The following TMCO4 variants were observed in gnomAD, a reference collection of about 807,000 sequenced individuals.
TMCO4 encodes the protein transmembrane and coiled-coil domains 4.
In TMCO4, 58 loss-of-function variants were observed where a neutral mutation model predicts 64.7. The observed-to-expected ratio is 0.90, with a 90% CI of 0.73 to 1.12. TMCO4 has a LOEUF of 1.12. TMCO4 is among the 50% of genes most tolerant of loss of function. The pLI, the probability that TMCO4 is intolerant of heterozygous loss-of-function variation, is 0.00. For missense variants in TMCO4, 780 were observed against 825.9 expected (o/e 0.94, Z 0.68); for synonymous variants, 325 against 346.1 (o/e 0.94, Z 0.68).
At chr1:19,757,160 G>A (rs532395185) in intron 6 of TMCO4, among the ~76,000 whole-genome samples, 3 of 78,034 alleles carry the variant, frequency 3.8e-5, no homozygotes, top group Admixed American at 1.1e-4. Context: ...GCGTGGTGGC[G>A]GGGGGGGGCG....
intron 13 of TMCO4, among the ~76,000 whole-genome samples, chr1:19,718,555 C>T (rs1319823899): frequency 7.0e-6 from 1 of 143,398 alleles, no homozygotes; most frequent in Non-Finnish European, 1.5e-5. Flanking sequence ...TGGGAGGCTG[C>T]AGTGGGAGGC....
chr1:19,697,622 A>G (rs2095245333), intron 14 of TMCO4, among the ~76,000 whole-genome samples: 1 of 145,440 alleles, frequency 6.9e-6, no homozygotes, highest in Non-Finnish European at 1.5e-5. Flanking sequence ...TTTTTGAGAC[A>G]TAGTCTCGCT....
chr1:19,698,401 T>G (rs1557467625), intron 14 of TMCO4, among the ~76,000 whole-genome samples: 1 of 152,210 alleles, frequency 6.6e-6, no homozygotes, highest in Non-Finnish European at 1.5e-5. Context: ...TTGCCCCTTT[T>G]TGAGTTTCAC....
Position 19,739,917 on chromosome 1 carries a change from G to A in TMCO4, c.1086C>T (p.Val362=), listed in dbSNP as rs984192258. ...ALTWPASLLS[V]ANVIDNPWGV... is the part of the protein sequence containing the mutation. ...CCCAGGGGTTGTCGATGACATTGGC[G>A]ACACTGAGGAGTGAGGCTGGCCAGG... The change falls in exon 12 of 16, where the codon GTC becomes GTT. Residue 362 remains valine (V), a synonymous_variant. Coordinates refer to ENST00000294543, the MANE Select transcript of TMCO4 (RefSeq NM_181719.7). 8.7e-6 allele frequency: 14 copies of A among 1,613,822 alleles called. No homozygotes were observed. The East Asian group carries it at 1.1e-4, about 13-fold the overall frequency.
chr1:19,776,323 C>T (rs1288256688), intron 4 of TMCO4, among the ~76,000 whole-genome samples: 1 of 152,188 alleles, frequency 6.6e-6, no homozygotes, highest in Non-Finnish European at 1.5e-5. Context: ...ACGGCAAATG[C>T]TTATGGCCAG....
At chr1:19,700,914 A>G (rs375412060) in intron 13 of TMCO4, 29 bp from the exon 14 acceptor site, 1 of 1,600,004 alleles carries the variant, frequency 6.2e-7, no homozygotes, top group African/African-American at 1.3e-5. Context: ...AAAGGCCGTC[A>G]GTGTCCCTGG....
chr1:19,730,849 G>T (rs1381715608), intron 13 of TMCO4, among the ~76,000 whole-genome samples: 1 of 152,196 alleles, frequency 6.6e-6, no homozygotes, highest in Non-Finnish European at 1.5e-5. Context: ...GCTCTATTTT[G>T]TTACTAGCTC....
At chr1:19,795,000 CA>C (rs1264438620) in intron 2 of TMCO4, among the ~76,000 whole-genome samples, 5 of 151,888 alleles carry the variant, frequency 3.3e-5, no homozygotes, top group African/African-American at 4.8e-5. Flanking sequence ...GGAGGAGGAA[CA>C]GGGGAGGGAA....
chr1:19,708,945 G>C (rs910552264), intron 13 of TMCO4, among the ~76,000 whole-genome samples: 6 of 152,146 alleles, frequency 3.9e-5, no homozygotes, highest in Non-Finnish European at 7.3e-5. Context: ...TCCTGACTGC[G>C]GGTCCAGTAA....
chr1:19,771,510 C>T (rs746459764), intron 4 of TMCO4, 28 bp from the exon 5 acceptor site: 1 of 1,607,280 alleles, frequency 6.2e-7, no homozygotes, highest in South Asian at 1.1e-5. Context: ...CTTAGTTCTC[C>T]AGGATCCTCA....
chr1:19,773,056 G>A (rs141568893), intron 4 of TMCO4, among the ~76,000 whole-genome samples: 65 of 152,226 alleles, frequency 4.3e-4, no homozygotes, highest in African/African-American at 1.5e-3. Flanking sequence ...TGGGCGTGGT[G>A]GCATGTACCT....
chr1:19,764,671 G>T (rs1479335000), intron 6 of TMCO4, among the ~76,000 whole-genome samples: 1 of 152,074 alleles, frequency 6.6e-6, no homozygotes, highest in Non-Finnish European at 1.5e-5. Context: ...TGACCAACAT[G>T]GAGAAACCCT....
Position 19,732,779 on chromosome 1 carries a change from A to G in TMCO4, c.1264+4593T>C, listed in dbSNP as rs897412488. 1.3e-5 allele frequency among the ~76,000 whole-genome samples: 2 copies of G among 152,102 alleles called. No individual in the cohort carries two copies. The highest frequency in any genetic ancestry group is 4.8e-5 in the African/African-American group (2 of 41,428). ...TCTGGGCCCAAGTTCTTTTTTCTGAAGGTGACTACAGGGGGAAAATGCCAG... is the reference window on the plus strand; with the variant it reads ...TCTGGGCCCAAGTTCTTTTTTCTGAGGGTGACTACAGGGGGAAAATGCCAG... On this transcript the variant is annotated intron_variant, in intron 13 of 15. Transcript: ENST00000294543. This position sits in a 1 kb window ranked among gnomAD's most constrained non-coding sequence, Gnocchi z 4.8.
chr1:19,722,860 A>C (rs2095391674), intron 13 of TMCO4, among the ~76,000 whole-genome samples: 1 of 152,034 alleles, frequency 6.6e-6, no homozygotes, highest in African/African-American at 2.4e-5. Flanking sequence ...GAACACTGTG[A>C]TCCTCAGCCT....
chr1:19,705,215 C>T (rs2095296062), intron 13 of TMCO4, among the ~76,000 whole-genome samples: 1 of 152,148 alleles, frequency 6.6e-6, no homozygotes, highest in African/African-American at 2.4e-5. Context: ...CTTTGGGAGG[C>T]TGAGGCGGAT....
At position 19,683,127 on chromosome 1, in the gene TMCO4, G is replaced by T; in HGVS notation, c.1818C>A (p.Pro606=). 6.2e-7 allele frequency: 1 copy of T among 1,613,688 alleles called. No individual in the cohort carries two copies. The highest frequency in any genetic ancestry group is 8.5e-7 in the Non-Finnish European group (1 of 1,179,784). ...TGGGGTCCATGCCATGGCTGCAGAT[G>T]GGGGGCCTTTCAGGGCTGGCAGCAG... ...LPAAASPERP[P]ICSHGMDPNP... is the part of the protein sequence containing the mutation. Residue 606 remains proline (P), a synonymous_variant, in exon 16 of 16, where the codon CCC becomes CCA. Transcript: ENST00000294543.
chr1:19,707,155 C>T (rs1216820467), intron 13 of TMCO4, among the ~76,000 whole-genome samples: 1 of 152,184 alleles, frequency 6.6e-6, no homozygotes, highest in African/African-American at 2.4e-5. Flanking sequence ...CTTGCTGTTC[C>T]CTCTTTGAAA....
chr1:19,766,615 G>T (rs561910841), intron 6 of TMCO4, among the ~76,000 whole-genome samples: 1 of 152,198 alleles, frequency 6.6e-6, no homozygotes, highest in African/African-American at 2.4e-5. Context: ...TCCATGCTGG[G>T]CACTCTACAT....
At chr1:19,757,160 G>GA (rs1553145652) in intron 6 of TMCO4, among the ~76,000 whole-genome samples, 1 of 78,090 alleles carries the variant, frequency 1.3e-5, no homozygotes, top group East Asian at 4.0e-4. Flanking sequence ...GCGTGGTGGC[G>GA]GGGGGGGGCG....
Sources: allele counts gnomAD v4.1 joint callset (sites outside exome capture counted in the v4.1 genomes callset), GRCh38; gene constraint gnomAD v4.1.1; non-coding constraint Gnocchi (gnomAD v3.1); transcripts MANE v1.5; gene names NCBI Gene and HGNC (gene_info 2026-07-23, HGNC 2026-07-21).